The following TMEM260 variants were observed in gnomAD, a reference collection of about 807,000 sequenced individuals.
TMEM260 encodes the protein transmembrane protein 260.
Under a neutral mutation model 88.9 loss-of-function variants are expected in TMEM260, and 82 were observed. That is an observed-to-expected ratio of 0.92 (90% CI 0.77 to 1.11). The LOEUF (loss-of-function observed/expected upper bound fraction) is 1.11, where lower values mean the gene tolerates loss of function less well. TMEM260 is among the 50% of genes least tolerant of loss of function. The pLI is 0.00. For missense variants in TMEM260, 902 were observed against 853.4 expected (o/e 1.06, Z -0.71); for synonymous variants, 314 against 309.3 (o/e 1.02, Z -0.16).
intron 1 of TMEM260, 78 bp downstream of exon 1, chr14:56,580,152 C>G (rs1885021789): frequency 3.4e-6 from 4 of 1,188,832 alleles, no homozygotes; most frequent in Non-Finnish European, 2.1e-6. Flanking sequence ...CTGGCCCCTG[C>G]TCTTGGCATT....
the TMEM260 span, among the ~76,000 whole-genome samples, chr14:56,657,285 G>A: frequency 6.6e-6 from 1 of 151,056 alleles, no homozygotes; most frequent in South Asian, 2.1e-4. Flanking sequence ...TTGTAAATGA[G>A]CACCCCATTT....
At chr14:56,591,146 T>G (rs1181562544) in intron 3 of TMEM260, among the ~76,000 whole-genome samples, 1 of 152,236 alleles carries the variant, frequency 6.6e-6, no homozygotes, top group Non-Finnish European at 1.5e-5. Context: ...TAAATCTGTT[T>G]CCTGCCGAGA....
In TMEM260 at chr14:56,603,801, A is replaced by G; in HGVS notation, c.345-14A>G. 1.9e-6 allele frequency: 3 copies of G among 1,613,560 alleles called. No individual in the cohort carries two copies. The highest frequency in any genetic ancestry group is 1.3e-5 in the African/African-American group (1 of 75,030). On this transcript the variant is annotated splice_polypyrimidine_tract_variant and intron_variant, in intron 3 of 15. Coordinates refer to ENST00000261556, the MANE Select transcript of TMEM260 (RefSeq NM_017799.4). ...TTGTTGGAAAAGAAGATTTCATGTT[A>G]TCTGTGTTTGCAGGCTTTCTGGCTC... is the stretch of plus-strand genomic sequence containing the variant.
intron 14 of TMEM260, 64 bp downstream of exon 14, chr14:56,635,016 C>A: frequency 2.8e-6 from 4 of 1,447,614 alleles, no homozygotes; most frequent in Non-Finnish European, 3.9e-6. Flanking sequence ...TAGCTTATGG[C>A]ACTTTTAATT....
downstream of TMEM260, chr14:56,649,941 G>T: frequency 3.0e-6 from 1 of 333,720 alleles, no homozygotes; most frequent in Middle Eastern, 4.8e-4. Context: ...TGAAAAACTA[G>T]TAAACTGAGC....
chr14:56,632,444 C>A (rs1888682684), intron 12 of TMEM260, among the ~76,000 whole-genome samples: 1 of 152,164 alleles, frequency 6.6e-6, no homozygotes, highest in Admixed American at 6.5e-5. Flanking sequence ...TCCGCTAATG[C>A]CACGATGTTG....
intron 11 of TMEM260, among the ~76,000 whole-genome samples, chr14:56,623,397 C>T (rs1888048661): frequency 6.6e-6 from 1 of 152,096 alleles, no homozygotes; most frequent in Non-Finnish European, 1.5e-5. Context: ...TGGGGTATCT[C>T]CCTCTCTCTA....
At chr14:56,585,400 G>A (rs1365957294) in intron 2 of TMEM260, among the ~76,000 whole-genome samples, 1 of 152,124 alleles carries the variant, frequency 6.6e-6, no homozygotes, top group East Asian at 1.9e-4. Flanking sequence ...TCCGATAGCA[G>A]TGTGGTCTTT....
chr14:56,621,439 A>T (rs1887909838), intron 10 of TMEM260, 92 bp from the exon 11 acceptor site: 4 of 898,252 alleles, frequency 4.5e-6, no homozygotes, highest in Non-Finnish European at 6.6e-6. Context: ...TGATTGTATG[A>T]TGGGAAAAGA....
rs1890044934 is a variant in TMEM260 at position 56,647,532 on chromosome 14, G to T, written c.*35G>T. 1 of 1,546,998 alleles carries T rather than the reference G, an allele frequency of 6.5e-7. No homozygotes were observed. Reference sequence around the variant, plus strand: ...ATATGAAAAACCTGCTCATCGTTCAGCTTCCAAAATTCTGAAGTCTGGAAG... The same window carrying T: ...ATATGAAAAACCTGCTCATCGTTCATCTTCCAAAATTCTGAAGTCTGGAAG... On this transcript the variant is annotated 3_prime_UTR_variant, in exon 16 of 16. Coordinates refer to ENST00000261556, the MANE Select transcript of TMEM260 (RefSeq NM_017799.4).
chr14:56,653,743 A>AAAAAAAAAACAAACAAAC (rs780039853), downstream of TMEM260, among the ~76,000 whole-genome samples: 3,923 of 134,254 alleles, frequency 0.029, 125 homozygotes, highest in Middle Eastern at 0.12. Flanking sequence ...CTCCAAAACA[A>AAAAAAAAAACAAACAAAC]AAAAAAAAAA....
intron 3 of TMEM260, among the ~76,000 whole-genome samples, chr14:56,596,726 G>T (rs1254969420): frequency 1.4e-5 from 2 of 141,022 alleles, no homozygotes; most frequent in African/African-American, 2.6e-5. Context: ...TCGTGCCATT[G>T]CACTCCAGCC....
Position 56,633,135 on chromosome 14 carries a change from C to CA in TMEM260, c.1693dup (p.Ser565LysfsTer4), listed in dbSNP as rs1566568405. On this transcript the variant is annotated frameshift_variant, in exon 13 of 16. Coordinates refer to ENST00000261556, the MANE Select transcript of TMEM260 (RefSeq NM_017799.4). LOFTEE classifies it high-confidence loss of function. The stretch of plus-strand genomic sequence containing the variant: ...AACCCTGAGGAATGGATTAAACTTA[C>CA]AAAAAGTATCTATAACTGGACCGAA... 4 of 1,612,650 alleles carry CA rather than the reference C, an allele frequency of 2.5e-6. No homozygotes were observed. Among genetic ancestry groups the CA allele is most frequent in the Non-Finnish European group, 2.5e-6 (3 of 1,179,450 alleles).
intron 11 of TMEM260, among the ~76,000 whole-genome samples, chr14:56,623,217 A>G (rs893907820): frequency 1.3e-5 from 2 of 152,200 alleles, no homozygotes; most frequent in Non-Finnish European, 2.9e-5. Flanking sequence ...TTAGCCTCAC[A>G]TGAGACGCAG....
At chr14:56,614,880 T>C (rs1887505011) in intron 7 of TMEM260, among the ~76,000 whole-genome samples, 1 of 152,210 alleles carries the variant, frequency 6.6e-6, no homozygotes, top group Admixed American at 6.5e-5. Context: ...TTCAAAATGA[T>C]AGAAGCTAAT....
chr14:56,603,369 G>T (rs1383067010), intron 3 of TMEM260, among the ~76,000 whole-genome samples: 1 of 152,082 alleles, frequency 6.6e-6, no homozygotes, highest in Non-Finnish European at 1.5e-5. Flanking sequence ...AGGTACCTAG[G>T]TCCAAACATT....
the TMEM260 span, among the ~76,000 whole-genome samples, chr14:56,656,723 T>G: frequency 6.6e-6 from 1 of 152,090 alleles, no homozygotes; most frequent in Non-Finnish European, 1.5e-5. Context: ...TCTGGAAAAT[T>G]TAAATAATTC....
At chr14:56,602,623 T>C (rs995139024) in intron 3 of TMEM260, among the ~76,000 whole-genome samples, 6 of 151,894 alleles carry the variant, frequency 4.0e-5, no homozygotes, top group Non-Finnish European at 8.8e-5. Context: ...AAAATACAAA[T>C]AGGAATGAGT....
Position 56,579,883 on chromosome 14 carries a change from C to G in TMEM260, c.-32C>G, listed in dbSNP as rs1884987473. The G allele has an allele frequency of 3.2e-6, 4 of 1,231,714 alleles. No homozygotes were observed. The highest frequency in any genetic ancestry group is 8.2e-5 in the South Asian group (2 of 24,320). 76.3% of individuals were successfully genotyped at this position (1,231,714 alleles called of 1,614,324 possible). ...GTGTCGCACCGGGTTCTTGGGCTGG[C>G]CGTGTCCTTCTCCCTCGGTCGCCAC... On this transcript the variant is annotated 5_prime_UTR_variant, in exon 1 of 16. Transcript: ENST00000261556.
Sources: gnomAD v4.1 joint callset for allele counts (sites outside exome capture counted in the v4.1 genomes callset) on GRCh38, gnomAD v4.1.1 for gene constraint, MANE v1.5 for transcripts, NCBI Gene and HGNC (gene_info 2026-07-23, HGNC 2026-07-21) for gene names.